ADGRF5: variants seen among roughly 807,000 people sequenced by gnomAD.
The protein encoded by ADGRF5 is G-protein coupled receptor 116.
In ADGRF5, 75 loss-of-function variants were observed where a neutral mutation model predicts 132.3. That is an observed-to-expected ratio of 0.57 (90% CI 0.47 to 0.69). The LOEUF (loss-of-function observed/expected upper bound fraction) is 0.69. Ranked by LOEUF, ADGRF5 falls within the 30% of genes least tolerant of loss-of-function variation. ADGRF5 has a pLI of 0.00. For missense variants in ADGRF5, 1,516 were observed against 1,630.6 expected (o/e 0.93, Z 1.21); for synonymous variants, 629 against 597.6 (o/e 1.05, Z -0.77).
intron 3 of ADGRF5, among the ~76,000 whole-genome samples, chr6:46,894,789 G>C (rs894559404): frequency 6.6e-6 from 1 of 152,206 alleles, no homozygotes; most frequent in Non-Finnish European, 1.5e-5. Context: ...CCCTAACAAA[G>C]TGTCTGGCAT....
chr6:46,915,961 C>T (rs900253845), intron 1 of ADGRF5, among the ~76,000 whole-genome samples: 2 of 152,116 alleles, frequency 1.3e-5, no homozygotes, highest in African/African-American at 4.8e-5. Context: ...CTTTCCCTTT[C>T]CTGGTTCTCA....
At position 46,906,723 on chromosome 6, in the gene ADGRF5, T is replaced by A; in HGVS notation, c.40A>T (p.Ile14Phe). The part of the protein sequence containing the change: ...PRRTTLCLMF[I>F]VIYSSKAALN... ...GCAGCTTTGGAAGAATAAATCACAA[T>A]AAACATGAGGCACAAAGTGGTTCTC... The change falls in exon 2 of 21, where the codon ATT becomes TTT. Residue 14 changes from isoleucine to phenylalanine, a missense_variant. Around this residue, in one of 2 missense-constraint regions of ADGRF5, gnomAD observed 945 missense variants for 929.4 expected, o/e 1.02. Transcript: ENST00000283296. 6.2e-7 allele frequency: 1 copy of A among 1,608,816 alleles called. No individual in the cohort carries two copies. The highest frequency in any genetic ancestry group is 8.5e-7 in the Non-Finnish European group (1 of 1,175,294).
intron 10 of ADGRF5, among the ~76,000 whole-genome samples, chr6:46,875,946 G>A (rs527873675): frequency 6.6e-6 from 1 of 152,266 alleles, no homozygotes; most frequent in East Asian, 1.9e-4. Flanking sequence ...GTTTCTTAAA[G>A]TTAGAAATTC....
intron 1 of ADGRF5, among the ~76,000 whole-genome samples, chr6:46,934,234 A>G (rs1476788314): frequency 6.6e-6 from 1 of 152,084 alleles, no homozygotes; most frequent in East Asian, 1.9e-4. Context: ...GCACACTCCT[A>G]TGCCACATAC....
chr6:46,941,471 A>AAAAGAAAAG (rs1778084204), intron 1 of ADGRF5, among the ~76,000 whole-genome samples: 1 of 106,770 alleles, frequency 9.4e-6, no homozygotes, highest in African/African-American at 3.3e-5. Context: ...GAAAAGAAAG[A>AAAAGAAAAG]AAAGAAAAGA....
intron 4 of ADGRF5, chr6:46,888,039 A>C: frequency 1.1e-5 from 3 of 282,726 alleles, no homozygotes; most frequent in Non-Finnish European, 2.0e-5. Context: ...AGGGAAGAGG[A>C]CCCAGTAGTT....
intron 1 of ADGRF5, among the ~76,000 whole-genome samples, chr6:46,937,743 G>A (rs542814447): frequency 6.6e-5 from 10 of 152,276 alleles, no homozygotes; most frequent in African/African-American, 2.2e-4. Flanking sequence ...TATTAAGTCA[G>A]ATAAAGGTCA....
chr6:46,884,404 A>T (rs1292110972), intron 4 of ADGRF5, 133 bp from the exon 5 acceptor site: 1 of 650,890 alleles, frequency 1.5e-6, no homozygotes, highest in Admixed American at 2.9e-5. Context: ...GAGAAGTTCA[A>T]TAGCACTGCA....
Position 46,871,922 on chromosome 6 carries a change from T to G in ADGRF5, c.1332A>C (p.Thr444=). ...TGATGAACTCACAAGTGTAGATGAC[T>G]GTTGTTCCAGACGACCCGCTTGGGC... The part of the protein sequence containing the change: ...TQCPSGSSGT[T]VIYTCEFISA... The change falls in exon 11 of 21, where the codon ACA becomes ACC. Residue 444 remains threonine, a synonymous_variant. Coordinates refer to ENST00000283296, the MANE Select transcript of ADGRF5 (RefSeq NM_001098518.2). 1 of 1,612,778 alleles carries G rather than the reference T, an allele frequency of 6.2e-7. No individual in the cohort carries two copies. The highest frequency in any genetic ancestry group is 1.3e-5 in the African/African-American group (1 of 74,930).
intron 1 of ADGRF5, among the ~76,000 whole-genome samples, chr6:46,913,157 G>A (rs1776107948): frequency 1.3e-5 from 2 of 152,176 alleles, no homozygotes; most frequent in Non-Finnish European, 2.9e-5. Flanking sequence ...AGGAACAGGA[G>A]GGAAACAAGG....
At chr6:46,878,147 T>C in intron 10 of ADGRF5, 55 bp downstream of exon 10, 5 of 1,111,724 alleles carry the variant, frequency 4.5e-6, no homozygotes, top group Non-Finnish European at 6.9e-6. Context: ...CTCCCATTTC[T>C]ACTTGGCCAA....
intron 1 of ADGRF5, among the ~76,000 whole-genome samples, chr6:46,952,510 G>T (rs1778537012): frequency 6.6e-6 from 1 of 152,200 alleles, no homozygotes; most frequent in African/African-American, 2.4e-5. Flanking sequence ...TAGATGTAAA[G>T]AAGTAGATTC....
In ADGRF5 at chr6:46,894,188, A is replaced by C. The variant is rs1024877673; in HGVS notation, c.158-5683T>G. Among the ~76,000 whole-genome samples, 4 of 152,336 alleles carry C rather than the reference A, an allele frequency of 2.6e-5. No individual in the cohort carries two copies. In the East Asian group the frequency reaches 7.7e-4, roughly 29 times the overall value. ...TTGGTCTTAGCAAGTAAATATCAAA[A>C]GATACCTACCATTTGGCTTGTTTCT... On this transcript the variant is annotated intron_variant, in intron 3 of 20. Transcript: ENST00000283296.
rs1383915580 is a variant in ADGRF5 at position 46,878,043 on chromosome 6, C to T, written c.1240+159G>A. 5.9e-5 allele frequency among the ~76,000 whole-genome samples: 9 copies of T among 152,254 alleles called. No individual in the cohort carries two copies. The South Asian group carries it at 1.7e-3, about 28-fold the overall frequency. On this transcript the variant is annotated intron_variant, in intron 10 of 20. Coordinates refer to ENST00000283296, the MANE Select transcript of ADGRF5 (RefSeq NM_001098518.2). Reference sequence around the variant, plus strand: ...TTTTTGGGGTCTTGTTCTAGAGTGGCTAAGCTGGAGCTGGCATCAAACCTA... The same window carrying T: ...TTTTTGGGGTCTTGTTCTAGAGTGGTTAAGCTGGAGCTGGCATCAAACCTA...
chr6:46,865,231 A>G (rs1234128), intron 13 of ADGRF5, 34 bp from the exon 14 acceptor site: 157,870 of 1,497,090 alleles, frequency 0.11, 9,376 homozygotes, highest in Non-Finnish European at 0.12. Flanking sequence ...ATTAAGTCAC[A>G]ACATGAGTCT....
intron 1 of ADGRF5, among the ~76,000 whole-genome samples, chr6:46,929,298 C>T (rs1319472206): frequency 2.0e-5 from 3 of 151,650 alleles, no homozygotes; most frequent in African/African-American, 4.9e-5. Context: ...ACAATGAGAA[C>T]ACATGGACAC....
At chr6:46,948,215 C>T (rs796878885) in intron 1 of ADGRF5, among the ~76,000 whole-genome samples, 5 of 152,208 alleles carry the variant, frequency 3.3e-5, no homozygotes, top group African/African-American at 1.2e-4. Context: ...AAATAAAACC[C>T]CTGGAGACTT....
chr6:46,932,508 G>A (rs1582055476), intron 1 of ADGRF5, among the ~76,000 whole-genome samples: 1 of 152,270 alleles, frequency 6.6e-6, no homozygotes, highest in East Asian at 1.9e-4. Context: ...AGGGTTTTCT[G>A]TGCACATTAA....
Position 46,856,829 on chromosome 6 carries a change from A to G in ADGRF5, c.3816+38T>C, listed in dbSNP as rs201920337. 8 of 1,606,108 alleles carry G rather than the reference A, an allele frequency of 5.0e-6. No individual in the cohort carries two copies. The East Asian group carries it at 1.8e-4, about 36-fold the overall frequency. Reference sequence around the variant, plus strand: ...AACTTCAACATGCCACAAGCACTTCAGACTTTTCTAGAAACATGAAACTGT... The same window carrying G: ...AACTTCAACATGCCACAAGCACTTCGGACTTTTCTAGAAACATGAAACTGT... On this transcript the variant is annotated intron_variant, in intron 18 of 20. Transcript: ENST00000283296.
Sources: gnomAD v4.1 joint callset for allele counts (sites outside exome capture counted in the v4.1 genomes callset) on GRCh38, gnomAD v4.1.1 for gene constraint, gnomAD v4.1.1 regional missense constraint, MANE v1.5 for transcripts, NCBI Gene and HGNC (gene_info 2026-07-23, HGNC 2026-07-21) for gene names.